The following SH3PXD2B variants were observed in gnomAD, a reference collection of about 807,000 sequenced individuals.
SH3PXD2B encodes the protein SH3 and PX domains 2B.
A neutral mutation model predicts 73.1 loss-of-function variants in SH3PXD2B; 37 were observed. The ratio of observed to expected loss-of-function variants is 0.51; its 90% CI spans 0.39 to 0.67. The LOEUF (loss-of-function observed/expected upper bound fraction) is 0.67. SH3PXD2B is among the 30% of genes least tolerant of loss of function. The pLI is 0.00. For synonymous variants in SH3PXD2B, 457 were observed against 480.5 expected, an observed-to-expected ratio of 0.95 and a Z score of 0.64; for missense variants, 1,053 against 1,197.8, an observed-to-expected ratio of 0.88 and a Z score of 1.78.
chr5:172,428,309 G>A (rs1212619265), intron 1 of SH3PXD2B, among the ~76,000 whole-genome samples: 1 of 152,212 alleles, frequency 6.6e-6, no homozygotes, highest in East Asian at 1.9e-4. Context: ...AGGACATATG[G>A]AGGGCAAGGA....
chr5:172,416,630 CTT>C (rs144781943), intron 2 of SH3PXD2B, among the ~76,000 whole-genome samples: 3,057 of 111,028 alleles, frequency 0.028, 136 homozygotes, highest in African/African-American at 0.093. Context: ...CCGGCCTCTA[CTT>C]TTTTTTTTTT....
At chr5:172,436,160 G>C (rs73804845) in intron 1 of SH3PXD2B, among the ~76,000 whole-genome samples, 12,572 of 152,282 alleles carry the variant, frequency 0.083, 764 homozygotes, top group South Asian at 0.2. Context: ...TCTTACATAA[G>C]AGACTTGCCC....
intron 4 of SH3PXD2B, among the ~76,000 whole-genome samples, chr5:172,382,843 C>T (rs1318765961): frequency 6.6e-6 from 1 of 152,066 alleles, no homozygotes; most frequent in Non-Finnish European, 1.5e-5. Context: ...ATTTTTGTGC[C>T]CTAGTCTCCT....
chr5:172,370,320 C>T (rs1757671884), intron 6 of SH3PXD2B, among the ~76,000 whole-genome samples: 1 of 152,222 alleles, frequency 6.6e-6, no homozygotes, highest in African/African-American at 2.4e-5. Flanking sequence ...CTGATGGTGG[C>T]ACAGTTGCAC....
rs1756725238 is a variant in SH3PXD2B at position 172,337,296 on chromosome 5, C to T, written c.*1073G>A. 2 of 985,544 alleles carry T rather than the reference C, an allele frequency of 2.0e-6. No homozygotes were observed. The highest frequency in any genetic ancestry group is 1.0e-3 in the Middle Eastern group (2 of 1,936). 61.0% of individuals were successfully genotyped at this position (985,544 alleles called of 1,614,324 possible). A position where few individuals can be genotyped will look rare whatever the true frequency, so the allele number is the denominator to read the frequency against. On this transcript the variant is annotated 3_prime_UTR_variant, in exon 13 of 13. Transcript: ENST00000311601. The stretch of plus-strand genomic sequence containing the variant: ...ACCACTTAGCCAGCTTCTATCTCTT[C>T]CCTGCCTGGTTTGTCTTTTACAGAG...
chr5:172,432,302 C>G (rs927373890), intron 1 of SH3PXD2B, among the ~76,000 whole-genome samples: 1 of 142,140 alleles, frequency 7.0e-6, no homozygotes, highest in East Asian at 1.9e-4. Flanking sequence ...AGCCATCTTG[C>G]GTTTAGGCTC....
intron 2 of SH3PXD2B, 76 bp from the exon 3 acceptor site, chr5:172,406,428 T>A: frequency 2.0e-6 from 3 of 1,507,944 alleles, no homozygotes; most frequent in Non-Finnish European, 2.8e-6. Flanking sequence ...TTTAAAGAAA[T>A]TATGTGAAAT....
chr5:172,454,165 A>G (rs1581352803), intron 1 of SH3PXD2B, 113 bp downstream of exon 1: 3 of 691,590 alleles, frequency 4.3e-6, no homozygotes, highest in Non-Finnish European at 6.6e-6. Flanking sequence ...AGGGGAGAGC[A>G]GGGGAGGAGG....
Position 172,368,453 on chromosome 5 carries a change from T to TTATA in SH3PXD2B, c.427+5333_427+5336dup, listed in dbSNP as rs773035950. Among the ~76,000 whole-genome samples the TTATA allele has an allele frequency of 2.5e-3, 198 of 79,996 alleles. 6 individuals carry two copies. The highest frequency in any genetic ancestry group is 4.3e-3 in the African/African-American group (80 of 18,556). The allele number at this position is 79,996 out of a possible 152,430, so 52.5% of individuals were successfully genotyped here. A position where few individuals can be genotyped will look rare whatever the true frequency, so the allele number is the denominator to read the frequency against. ...TTGGTGCAAGGGGAGCTAAGAATGC[T>TTATA]TATATATATATATATTATATATATA... On this transcript the variant is annotated intron_variant, in intron 6 of 12. Coordinates refer to ENST00000311601, the MANE Select transcript of SH3PXD2B (RefSeq NM_001017995.3).
chr5:172,414,827 T>C (rs948284496), intron 2 of SH3PXD2B, among the ~76,000 whole-genome samples: 1 of 152,158 alleles, frequency 6.6e-6, no homozygotes, highest in East Asian at 1.9e-4. Context: ...CCTGCCAATG[T>C]TGGAATTCTG....
chr5:172,367,716 A>G (rs1275873004), intron 6 of SH3PXD2B, among the ~76,000 whole-genome samples: 2 of 152,184 alleles, frequency 1.3e-5, no homozygotes, highest in African/African-American at 4.8e-5. Context: ...ACAATGGGAT[A>G]TAAGTGTGGA....
In SH3PXD2B at chr5:172,353,267, T is replaced by C. The variant is rs1272198224; in HGVS notation, c.785+621A>G. On this transcript the variant is annotated intron_variant, in intron 9 of 12. Coordinates refer to ENST00000311601, the MANE Select transcript of SH3PXD2B (RefSeq NM_001017995.3). The surrounding 1 kb of genome is among the most constrained non-coding windows in gnomAD (Gnocchi z 4.3). ...ATTGCAGGGACCTCGGCTTCCTCTCTTGCCCTAATTTCCCATGGTCACATC... is the reference window on the plus strand; with the variant it reads ...ATTGCAGGGACCTCGGCTTCCTCTCCTGCCCTAATTTCCCATGGTCACATC... Among the ~76,000 whole-genome samples, 1 of 152,214 alleles carries C rather than the reference T, an allele frequency of 6.6e-6. No homozygotes were observed. The highest frequency in any genetic ancestry group is 2.4e-5 in the African/African-American group (1 of 41,450).
At chr5:172,328,733 C>T (rs114910797), downstream of SH3PXD2B, among the ~76,000 whole-genome samples, 997 of 152,156 alleles carry the variant, frequency 6.6e-3, 14 homozygotes, top group African/African-American at 0.023. Flanking sequence ...CCTCCCACAG[C>T]TAGGGGCCCA....
rs777101296 is a variant in SH3PXD2B, at chr5:172,339,960, G to A, written c.1189-44C>T. On this transcript the variant is annotated intron_variant, in intron 12 of 12. Coordinates refer to ENST00000311601, the MANE Select transcript of SH3PXD2B (RefSeq NM_001017995.3). The surrounding 1 kb of genome is among the most constrained non-coding windows in gnomAD (Gnocchi z 6.1). Reference sequence around the variant, plus strand: ...AAAGGCACTTGGCTACGATGCCAGGGCCAGCAGATGGAATGGTTTGGCAGA... The same window carrying A: ...AAAGGCACTTGGCTACGATGCCAGGACCAGCAGATGGAATGGTTTGGCAGA... 17 of 1,611,330 alleles carry A rather than the reference G, an allele frequency of 1.1e-5. 1 individual carries two copies. In the South Asian group the frequency reaches 1.8e-4, roughly 17 times the overall value.
Position 172,337,637 on chromosome 5 carries a change from G to A in SH3PXD2B, c.*732C>T, listed in dbSNP as rs1756735074. On this transcript the variant is annotated 3_prime_UTR_variant, in exon 13 of 13. Transcript: ENST00000311601. ...GAACTCTCATTGAAAAGCCCTGGAG[G>A]GACCGGAGCCTGCAGCAGCAAAGCG... The A allele has an allele frequency of 2.0e-6, 2 of 986,202 alleles. No individual in the cohort carries two copies. The highest frequency in any genetic ancestry group is 2.4e-6 in the Non-Finnish European group (2 of 830,524). The allele number at this position is 986,202 out of a possible 1,614,324, so 61.1% of individuals were successfully genotyped here.
At chr5:172,350,721 G>C (rs951112694) in intron 9 of SH3PXD2B, 132 bp from the exon 10 acceptor site, 22 of 836,834 alleles carry the variant, frequency 2.6e-5, no homozygotes, top group South Asian at 6.5e-5. Flanking sequence ...AGGGCAAGAG[G>C]TTGGCACACA....
chr5:172,376,745 A>G (rs1274558662), intron 5 of SH3PXD2B, among the ~76,000 whole-genome samples: 1 of 152,160 alleles, frequency 6.6e-6, no homozygotes, highest in Non-Finnish European at 1.5e-5. Context: ...CTTCACTGGC[A>G]CTCACTGGGT....
Position 172,335,917 on chromosome 5 carries a change from A to T in SH3PXD2B, c.*2452T>A, listed in dbSNP as rs1181970993. ...CAGTACCCGCGGGTCATGTCAGAAT[A>T]ATCATCATCATCATAGCAAAAGAGA... On this transcript the variant is annotated 3_prime_UTR_variant, in exon 13 of 13. Transcript: ENST00000311601. The T allele has an allele frequency of 8.4e-7, 1 of 1,189,656 alleles. No homozygotes were observed. Among genetic ancestry groups the T allele is most frequent in the African/African-American group, 1.6e-5 (1 of 63,488 alleles). 73.7% of individuals were successfully genotyped at this position (1,189,656 alleles called of 1,614,324 possible).
At chr5:172,392,439 G>A (rs1204088773) in intron 4 of SH3PXD2B, among the ~76,000 whole-genome samples, 1 of 152,106 alleles carries the variant, frequency 6.6e-6, no homozygotes, top group Non-Finnish European at 1.5e-5. Flanking sequence ...CCTAGGAAAC[G>A]AATGCAACAG....
Sources: allele counts gnomAD v4.1 joint callset (sites outside exome capture counted in the v4.1 genomes callset), GRCh38; gene constraint gnomAD v4.1.1; non-coding constraint Gnocchi (gnomAD v3.1); transcripts MANE v1.5; gene names NCBI Gene and HGNC (gene_info 2026-07-23, HGNC 2026-07-21).